The following KLHL1 variants were observed in gnomAD, a reference collection of about 807,000 sequenced individuals.
KLHL1 encodes the protein kelch like family member 1.
KLHL1 carries 47 observed loss-of-function variants against 77.7 expected under a neutral mutation model. The observed-to-expected ratio is 0.60, with a 90% CI of 0.48 to 0.77. KLHL1 has a LOEUF of 0.77. Ranked by LOEUF, KLHL1 falls within the 30% of genes least tolerant of loss-of-function variation. KLHL1 has a pLI of 0.00. For synonymous variants in KLHL1, 360 were observed against 325.2 expected, an observed-to-expected ratio of 1.11 and a Z score of -1.15; for missense variants, 925 against 910.8, an observed-to-expected ratio of 1.02 and a Z score of -0.20.
intron 1 of KLHL1, among the ~76,000 whole-genome samples, chr13:70,086,620 A>C (rs1194044710): frequency 1.7e-4 from 25 of 145,804 alleles, no homozygotes; most frequent in Non-Finnish European, 3.5e-4. Context: ...GAAAGAAAGA[A>C]AGAAAGAAAG....
intron 1 of KLHL1, among the ~76,000 whole-genome samples, chr13:70,009,853 TG>T (rs1885488833): frequency 6.6e-6 from 1 of 152,076 alleles, no homozygotes; most frequent in Non-Finnish European, 1.5e-5. Context: ...AACATATTTT[TG>T]GGTTCAAAAA....
intron 1 of KLHL1, among the ~76,000 whole-genome samples, chr13:70,075,713 C>G (rs1334527040): frequency 7.3e-6 from 1 of 137,860 alleles, no homozygotes; most frequent in Non-Finnish European, 1.5e-5. Flanking sequence ...GAAAATTAAA[C>G]CTGAATTACA....
At chr13:69,900,673 A>G (rs932420535) in intron 4 of KLHL1, among the ~76,000 whole-genome samples, 1 of 152,216 alleles carries the variant, frequency 6.6e-6, no homozygotes, top group African/African-American at 2.4e-5. Context: ...TTTGGAAGAG[A>G]CAGACATCAT....
At chr13:70,075,772 TAC>T (rs138977955) in intron 1 of KLHL1, among the ~76,000 whole-genome samples, 17 of 145,980 alleles carry the variant, frequency 1.2e-4, no homozygotes, top group African/African-American at 4.0e-4. Context: ...TATATATATA[TAC>T]ATATATATGT....
intron 10 of KLHL1, among the ~76,000 whole-genome samples, chr13:69,703,160 A>G (rs1315160684): frequency 6.6e-6 from 1 of 151,678 alleles, no homozygotes; most frequent in Non-Finnish European, 1.5e-5. Flanking sequence ...GTCATGGATG[A>G]ACCACATATA....
chr13:69,915,402 C>T (rs1441605249), intron 4 of KLHL1, among the ~76,000 whole-genome samples: 4 of 152,010 alleles, frequency 2.6e-5, no homozygotes, highest in Admixed American at 6.6e-5. Context: ...GAGATATAGA[C>T]GAATGGAACA....
At position 69,738,095 on chromosome 13, in the gene KLHL1, G is replaced by A. The variant is rs200313025; in HGVS notation, c.1802+2299C>T. ...ATGATGGTATCTCCAGGGGCGGGAC[G>A]GACCCAGGCAGATAGCATCTGAAGT... On this transcript the variant is annotated intron_variant, in intron 8 of 10. Coordinates refer to ENST00000377844, the MANE Select transcript of KLHL1 (RefSeq NM_020866.3). Among the ~76,000 whole-genome samples, 18 of 152,154 alleles carry A rather than the reference G, an allele frequency of 1.2e-4. No homozygotes were observed. In the East Asian group the frequency reaches 3.3e-3, roughly 28 times the overall value.
intron 5 of KLHL1, among the ~76,000 whole-genome samples, chr13:69,868,322 C>A (rs1880450535): frequency 6.6e-6 from 1 of 151,764 alleles, no homozygotes; most frequent in Non-Finnish European, 1.5e-5. Context: ...AAGGTATAAT[C>A]TGTAGTTTAA....
intron 10 of KLHL1, 32 bp downstream of exon 10, chr13:69,707,593 C>A: frequency 4.4e-6 from 7 of 1,579,952 alleles, no homozygotes; most frequent in Non-Finnish European, 6.0e-6. Context: ...AATTCTTATC[C>A]TTGAAGTGAA....
chr13:69,707,809 G>C lies in KLHL1; in HGVS notation c.2016-13C>G, dbSNP rs1442822050. 1.2e-6 allele frequency: 2 copies of C among 1,609,438 alleles called. No individual in the cohort carries two copies. Among genetic ancestry groups the C allele is most frequent in the Non-Finnish European group, 1.7e-6 (2 of 1,176,854 alleles). Reference sequence around the variant, plus strand: ...TTTGGGATCATATCTAAAATTCAATGACAATAGTACATAACATATTCTAAT... The same window carrying C: ...TTTGGGATCATATCTAAAATTCAATCACAATAGTACATAACATATTCTAAT... On this transcript the variant is annotated splice_polypyrimidine_tract_variant and intron_variant, in intron 9 of 10. Coordinates refer to ENST00000377844, the MANE Select transcript of KLHL1 (RefSeq NM_020866.3).
At chr13:70,048,848 G>T (rs1006045315) in intron 1 of KLHL1, among the ~76,000 whole-genome samples, 1 of 152,192 alleles carries the variant, frequency 6.6e-6, no homozygotes, top group African/African-American at 2.4e-5. Context: ...CTGGTCTGTG[G>T]GCTGCGGGTT....
chr13:69,992,210 A>C (rs978076458), intron 1 of KLHL1, among the ~76,000 whole-genome samples: 4 of 152,006 alleles, frequency 2.6e-5, no homozygotes, highest in African/African-American at 9.7e-5. Context: ...ATTTTTTTCT[A>C]ATAATCCATT....
intron 4 of KLHL1, among the ~76,000 whole-genome samples, chr13:69,915,566 T>C (rs1882400790): frequency 6.6e-6 from 1 of 152,156 alleles, no homozygotes; most frequent in Admixed American, 6.6e-5. Context: ...CTGGATCCCT[T>C]CCTTACACCT....
intron 5 of KLHL1, among the ~76,000 whole-genome samples, chr13:69,867,958 T>C (rs567104502): frequency 3.3e-5 from 5 of 152,100 alleles, no homozygotes; most frequent in Non-Finnish European, 5.9e-5. Context: ...CATATGTAAC[T>C]AACCTGCACG....
intron 1 of KLHL1, among the ~76,000 whole-genome samples, chr13:70,062,855 A>G (rs984252780): frequency 6.6e-6 from 1 of 152,188 alleles, no homozygotes; most frequent in African/African-American, 2.4e-5. Context: ...CATTTGTTAG[A>G]AAACAGAAAA....
At position 69,980,979 on chromosome 13, in the gene KLHL1, G is replaced by A. The variant is rs75106411; in HGVS notation, c.498-5177C>T. On this transcript the variant is annotated intron_variant, in intron 1 of 10. Coordinates refer to ENST00000377844, the MANE Select transcript of KLHL1 (RefSeq NM_020866.3). ...GGTTTTAGTTTCCATACACCACACA[G>A]ATGTGTTGCTCAGAATAGCTACCAC... 7.7e-3 allele frequency among the ~76,000 whole-genome samples: 1,178 copies of A among 152,214 alleles called. 11 individuals carry two copies. Among genetic ancestry groups the A allele is most frequent in the African/African-American group, 0.027 (1,111 of 41,548 alleles).
chr13:69,813,114 C>G (rs972831089), intron 6 of KLHL1, among the ~76,000 whole-genome samples: 3 of 152,052 alleles, frequency 2.0e-5, no homozygotes, highest in Admixed American at 2.0e-4. Context: ...GAAAATGTGG[C>G]ACATATACAC....
intron 4 of KLHL1, among the ~76,000 whole-genome samples, chr13:69,913,355 G>A (rs1188456401): frequency 1.3e-5 from 2 of 152,140 alleles, no homozygotes; most frequent in African/African-American, 4.8e-5. Flanking sequence ...GCATCTCCCA[G>A]ATCACTAGCA....
At chr13:69,976,042 A>G (rs1644990222) in intron 1 of KLHL1, among the ~76,000 whole-genome samples, 1 of 152,156 alleles carries the variant, frequency 6.6e-6, no homozygotes. Context: ...AGGTTTAAAA[A>G]TATGTTGTCT....
Sources: gnomAD v4.1 joint callset for allele counts (sites outside exome capture counted in the v4.1 genomes callset) on GRCh38, gnomAD v4.1.1 for gene constraint, MANE v1.5 for transcripts, NCBI Gene and HGNC (gene_info 2026-07-23, HGNC 2026-07-21) for gene names.